TYW1: variants seen among roughly 807,000 people sequenced by gnomAD.
TYW1 encodes S-adenosyl-L-methionine-dependent tRNA 4-demethylwyosine synthase TYW1.
In TYW1, 46 loss-of-function variants were observed where a neutral mutation model predicts 96.2. The observed-to-expected ratio is 0.48, with a 90% CI of 0.38 to 0.61. The LOEUF is 0.61. Among genes scored for constraint, TYW1 ranks in the 20% least tolerant of loss-of-function variants. The pLI, the probability that TYW1 is intolerant of heterozygous loss-of-function variation, is 0.00. For synonymous variants in TYW1, 274 were observed against 323.0 expected (o/e 0.85, Z 1.63); for missense variants, 684 against 909.6 (o/e 0.75, Z 3.19).
chr7:67,089,459 T>A (rs1584545933), intron 11 of TYW1: 2 of 1,198,538 alleles, frequency 1.7e-6, no homozygotes, highest in Non-Finnish European at 1.2e-6. Context: ...AGGCGTGGCC[T>A]TGAGACAGGA....
chr7:67,232,526 G>GTGAGAA (rs1584725707), intron 15 of TYW1, among the ~76,000 whole-genome samples: 155 of 136,676 alleles, frequency 1.1e-3, no homozygotes, highest in South Asian at 2.2e-3. Flanking sequence ...GGGCAACAGA[G>GTGAGAA]CATGACTCCG....
chr7:67,001,748 C>T (rs891593242), intron 3 of TYW1, among the ~76,000 whole-genome samples: 1 of 149,762 alleles, frequency 6.7e-6, no homozygotes, highest in Non-Finnish European at 1.5e-5. Flanking sequence ...GAGACAAGGT[C>T]TTGGCCTGGC....
intron 11 of TYW1, among the ~76,000 whole-genome samples, chr7:67,088,355 GA>G (rs36069960): frequency 4.6e-4 from 68 of 147,826 alleles, no homozygotes; most frequent in East Asian, 2.0e-3. Context: ...TAATAGAAAA[GA>G]AAAAAAAAAC....
intron 10 of TYW1, among the ~76,000 whole-genome samples, chr7:67,078,297 A>G (rs1357496087): frequency 6.6e-6 from 1 of 151,602 alleles, no homozygotes; most frequent in African/African-American, 2.4e-5. Flanking sequence ...GGGTTTCACT[A>G]TGTTGGCCAG....
chr7:67,141,601 C>T (rs182157371), intron 13 of TYW1, among the ~76,000 whole-genome samples: 45 of 152,296 alleles, frequency 3.0e-4, no homozygotes, highest in Admixed American at 2.5e-3. Flanking sequence ...CCTCAGAAAG[C>T]GAGCAGAGTG....
rs1383263321 is a variant in TYW1 at position 67,108,389 on chromosome 7, C to T, written c.1563-9094C>T. Among the ~76,000 whole-genome samples the T allele has an allele frequency of 2.6e-5, 4 of 151,422 alleles. No individual in the cohort carries two copies. In the East Asian group the frequency reaches 7.7e-4, roughly 29 times the overall value. On this transcript the variant is annotated intron_variant, in intron 12 of 15. Coordinates refer to ENST00000359626, the MANE Select transcript of TYW1 (RefSeq NM_018264.4). ...GAACAATGGAATTAACAAATTTAAC[C>T]TATATCACAGAAATAGAGCATTCCA... is the stretch of plus-strand genomic sequence containing the variant.
intron 7 of TYW1, among the ~76,000 whole-genome samples, chr7:67,025,681 A>G (rs563677128): frequency 1.4e-4 from 22 of 152,254 alleles, no homozygotes; most frequent in East Asian, 1.9e-4. Context: ...CTGGGATGTG[A>G]CTGTTTCAGT....
intron 12 of TYW1, among the ~76,000 whole-genome samples, chr7:67,102,805 C>T (rs969947825): frequency 3.9e-5 from 6 of 152,120 alleles, no homozygotes; most frequent in Non-Finnish European, 8.8e-5. Flanking sequence ...GCACCCACCA[C>T]CACACCCAGC....
At chr7:67,198,256 G>T (rs868263864) in intron 15 of TYW1, among the ~76,000 whole-genome samples, 4 of 152,032 alleles carry the variant, frequency 2.6e-5, no homozygotes, top group Non-Finnish European at 5.9e-5. Flanking sequence ...TGTTTATAAA[G>T]AAAATGTAGG....
chr7:67,155,547 G>A (rs1798941306), intron 13 of TYW1, among the ~76,000 whole-genome samples: 1 of 146,880 alleles, frequency 6.8e-6, no homozygotes, highest in Non-Finnish European at 1.5e-5. Flanking sequence ...AAATTACCCA[G>A]CTTTAGGTAT....
intron 13 of TYW1, among the ~76,000 whole-genome samples, chr7:67,165,664 A>G (rs1043405822): frequency 1.3e-5 from 2 of 152,220 alleles, no homozygotes; most frequent in Admixed American, 6.5e-5. Context: ...GTGGTGGCTC[A>G]CACCTGTAAT....
chr7:67,181,272 A>T (rs1219919237), intron 13 of TYW1, among the ~76,000 whole-genome samples: 1 of 152,060 alleles, frequency 6.6e-6, no homozygotes, highest in Non-Finnish European at 1.5e-5. Context: ...TTTCTATAAG[A>T]TTTTTACATA....
intron 11 of TYW1, among the ~76,000 whole-genome samples, chr7:67,095,200 T>C (rs564478987): frequency 6.6e-6 from 1 of 152,156 alleles, no homozygotes; most frequent in African/African-American, 2.4e-5. Flanking sequence ...GGTTTTGCCA[T>C]GTTGGCCGAG....
At chr7:67,109,685 A>C (rs1797343814) in intron 12 of TYW1, among the ~76,000 whole-genome samples, 1 of 152,162 alleles carries the variant, frequency 6.6e-6, no homozygotes, top group Non-Finnish European at 1.5e-5. Context: ...GTTCAAGACC[A>C]GCTTGACCTA....
rs1424283856 is a variant in TYW1, at chr7:67,239,233, G to T, written c.*704G>T. On this transcript the variant is annotated 3_prime_UTR_variant, in exon 16 of 16. Transcript: ENST00000359626. ...GCTGTAAGAGGAGTGGCCATGTGAG[G>T]GCATGGAGTCATTAGTCTCACAAAC... is the stretch of plus-strand genomic sequence containing the variant. The T allele has an allele frequency of 1.0e-6, 1 of 985,082 alleles. No individual in the cohort carries two copies. The highest frequency in any genetic ancestry group is 1.1e-4 in the East Asian group (1 of 8,822). The allele number at this position is 985,082 out of a possible 1,614,324, so 61.0% of individuals were successfully genotyped here. A position where few individuals can be genotyped will look rare whatever the true frequency, so the allele number is the denominator to read the frequency against.
chr7:67,102,942 C>T (rs761526671), intron 12 of TYW1, among the ~76,000 whole-genome samples: 3 of 152,202 alleles, frequency 2.0e-5, no homozygotes, highest in Non-Finnish European at 4.4e-5. Flanking sequence ...AGCCATCACG[C>T]CCGGTCACGC....
At chr7:67,235,912 A>AAAAAG (rs56202903) in intron 15 of TYW1, among the ~76,000 whole-genome samples, 34,991 of 141,328 alleles carry the variant, frequency 0.25, 4,845 homozygotes, top group African/African-American at 0.33. Context: ...AAAAAAAAAG[A>AAAAAG]AAAAGAGGTG....
Position 67,239,319 on chromosome 7 carries a change from A to G in TYW1, c.*790A>G, listed in dbSNP as rs1584732452. The G allele has an allele frequency of 1.0e-6, 1 of 985,290 alleles. No homozygotes were observed. The highest frequency in any genetic ancestry group is 1.2e-6 in the Non-Finnish European group (1 of 829,924). The allele number at this position is 985,290 out of a possible 1,614,324, so 61.0% of individuals were successfully genotyped here. A position where few individuals can be genotyped will look rare whatever the true frequency, so the allele number is the denominator to read the frequency against. On this transcript the variant is annotated 3_prime_UTR_variant, in exon 16 of 16. Transcript: ENST00000359626. The stretch of plus-strand genomic sequence containing the variant: ...CGTGAGGTCACTGTCCAGGCCTCTC[A>G]TATCATGACCAGACGGCGGGTCTCC...
At chr7:67,117,411 C>T (rs1797627600) in intron 12 of TYW1, 72 bp from the exon 13 acceptor site, 3 of 1,527,728 alleles carry the variant, frequency 2.0e-6, no homozygotes, top group South Asian at 1.3e-5. Context: ...TTACAGATTG[C>T]AGGTTTTATA....
Sources: allele counts gnomAD v4.1 joint callset (sites outside exome capture counted in the v4.1 genomes callset), GRCh38; gene constraint gnomAD v4.1.1; transcripts MANE v1.5; gene names NCBI Gene and HGNC (gene_info 2026-07-23, HGNC 2026-07-21).